The following FOXP1 variants were observed in gnomAD, a reference collection of about 807,000 sequenced individuals.
FOXP1 encodes forkhead box P1.
A neutral mutation model predicts 98.2 loss-of-function variants in FOXP1; 15 were observed. The observed-to-expected ratio is 0.15, with a 90% CI of 0.10 to 0.24. The LOEUF (loss-of-function observed/expected upper bound fraction) is 0.24, where lower values mean the gene tolerates loss of function less well. FOXP1 is among the 10% of genes least tolerant of loss of function. The probability of loss-of-function intolerance (pLI) is 1.00; values close to 1 mark genes in which losing one functional copy is unlikely to be tolerated. For synonymous variants in FOXP1, 371 were observed against 314.5 expected, an observed-to-expected ratio of 1.18 and a Z score of -1.90; for missense variants, 633 against 848.5, an observed-to-expected ratio of 0.75 and a Z score of 3.15.
intron 6 of FOXP1, among the ~76,000 whole-genome samples, chr3:71,195,735 C>T (rs936056392): frequency 6.6e-6 from 1 of 152,308 alleles, no homozygotes; most frequent in Admixed American, 6.5e-5. Flanking sequence ...TGTGTGACTA[C>T]CGCAGTAATG....
chr3:71,192,737 C>A (rs1056162321), intron 6 of FOXP1, among the ~76,000 whole-genome samples: 10 of 152,170 alleles, frequency 6.6e-5, no homozygotes, highest in African/African-American at 2.4e-4. Context: ...GCGGCCTCGA[C>A]CTCCCATGCT....
chr3:71,063,140 TCAGC>T (rs2051781406), intron 7 of FOXP1, among the ~76,000 whole-genome samples: 1 of 152,238 alleles, frequency 6.6e-6, no homozygotes, highest in Non-Finnish European at 1.5e-5. Context: ...CTACAGTAAG[TCAGC>T]CAGTGTCTCT....
chr3:71,455,571 G>A (rs974022517), intron 3 of FOXP1, among the ~76,000 whole-genome samples: 1 of 152,130 alleles, frequency 6.6e-6, no homozygotes, highest in Non-Finnish European at 1.5e-5. Flanking sequence ...TGGATGGGGT[G>A]GGATTTCAAA....
At chr3:71,322,667 C>T (rs897623914) in intron 4 of FOXP1, among the ~76,000 whole-genome samples, 2 of 151,970 alleles carry the variant, frequency 1.3e-5, no homozygotes, top group East Asian at 1.9e-4. Context: ...TCTTGGTGAC[C>T]GGCATGGAAT....
At chr3:70,972,475 A>G in intron 18 of FOXP1, 80 bp downstream of exon 18, 2 of 1,585,924 alleles carry the variant, frequency 1.3e-6, no homozygotes, top group Non-Finnish European at 1.7e-6. Context: ...GTCTAACACC[A>G]TCTAGCAGCC....
At chr3:71,359,404 T>G (rs2078394749) in intron 3 of FOXP1, among the ~76,000 whole-genome samples, 160 bp from the exon 4 acceptor site, 1 of 152,222 alleles carries the variant, frequency 6.6e-6, no homozygotes, top group Non-Finnish European at 1.5e-5. Flanking sequence ...CTTTGCCTTC[T>G]AGAATCAGCA....
At chr3:71,556,346 C>A (rs890055476) in intron 2 of FOXP1, among the ~76,000 whole-genome samples, 1 of 151,860 alleles carries the variant, frequency 6.6e-6, no homozygotes, top group East Asian at 1.9e-4. Flanking sequence ...GGGAGGCCGA[C>A]GTGAGCAGAT....
chr3:71,161,271 C>T lies in FOXP1; in HGVS notation c.180+36931G>A, dbSNP rs148685548. Among the ~76,000 whole-genome samples, 182 of 152,224 alleles carry T rather than the reference C, an allele frequency of 1.2e-3. 1 individual carries two copies. Among genetic ancestry groups the T allele is most frequent in the African/African-American group, 4.1e-3 (172 of 41,520 alleles). Reference sequence around the variant, plus strand: ...TGGGGATTGGCTGGGCTCAGCTAGGCGATTCTTTGGTTGGGGTAATTTATG... The same window carrying T: ...TGGGGATTGGCTGGGCTCAGCTAGGTGATTCTTTGGTTGGGGTAATTTATG... On this transcript the variant is annotated intron_variant, in intron 6 of 20. Coordinates refer to ENST00000649528, the MANE Select transcript of FOXP1 (RefSeq NM_001349338.3).
intron 7 of FOXP1, chr3:71,064,826 G>C: frequency 1.0e-6 from 1 of 984,172 alleles, no homozygotes; most frequent in South Asian, 4.7e-5. Context: ...GGACCAACCT[G>C]ACACTCTCCA....
chr3:71,244,064 T>C (rs565692024), intron 5 of FOXP1, among the ~76,000 whole-genome samples: 4 of 152,344 alleles, frequency 2.6e-5, no homozygotes, highest in Non-Finnish European at 4.4e-5. Context: ...AAATCTGTTA[T>C]TTAATTTTGA....
chr3:71,068,494 C>T (rs1234910976), intron 7 of FOXP1, among the ~76,000 whole-genome samples: 5 of 152,154 alleles, frequency 3.3e-5, no homozygotes, highest in Admixed American at 6.5e-5. Flanking sequence ...CCCACGTGGT[C>T]CTCAGTTCCA....
At chr3:71,387,793 T>A (rs2080707362) in intron 3 of FOXP1, among the ~76,000 whole-genome samples, 1 of 152,216 alleles carries the variant, frequency 6.6e-6, no homozygotes, top group Admixed American at 6.5e-5. Flanking sequence ...AAAGTCGTTG[T>A]TCAATCCAGC....
At chr3:71,231,479 A>G (rs2066281962) in intron 5 of FOXP1, among the ~76,000 whole-genome samples, 1 of 152,236 alleles carries the variant, frequency 6.6e-6, no homozygotes, top group Non-Finnish European at 1.5e-5. Context: ...TCAAGAGAGA[A>G]TTACTATAAT....
chr3:71,234,176 A>G (rs1207556265), intron 5 of FOXP1, among the ~76,000 whole-genome samples: 1 of 152,186 alleles, frequency 6.6e-6, no homozygotes, highest in African/African-American at 2.4e-5. Flanking sequence ...AAAAAATAAG[A>G]AAAGTTTAAA....
At chr3:71,194,408 A>G (rs2063180688) in intron 6 of FOXP1, among the ~76,000 whole-genome samples, 1 of 152,214 alleles carries the variant, frequency 6.6e-6, no homozygotes, top group African/African-American at 2.4e-5. Context: ...TTGACCTGAC[A>G]GCATATGCTG....
intron 2 of FOXP1, among the ~76,000 whole-genome samples, chr3:71,501,857 G>C (rs571619608): frequency 6.6e-6 from 1 of 152,172 alleles, no homozygotes; most frequent in African/African-American, 2.4e-5. Context: ...GAAAACCCTG[G>C]TATCCCTCAA....
chr3:71,345,871 TAAAAAAAAAAA>T (rs71120316), intron 4 of FOXP1, among the ~76,000 whole-genome samples: 5 of 55,098 alleles, frequency 9.1e-5, no homozygotes, highest in South Asian at 9.4e-4. Context: ...AAAGTTTTTG[TAAAAAAAAAAA>T]AAAAAAAAAA....
At chr3:71,030,708 T>G (rs1010815025) in intron 11 of FOXP1, among the ~76,000 whole-genome samples, 1 of 152,230 alleles carries the variant, frequency 6.6e-6, no homozygotes, top group Non-Finnish European at 1.5e-5. Context: ...TTGGACAACT[T>G]CCCATTTATC....
chr3:71,311,810 C>A (rs1183030105), intron 4 of FOXP1, among the ~76,000 whole-genome samples: 1 of 152,210 alleles, frequency 6.6e-6, no homozygotes, highest in Non-Finnish European at 1.5e-5. Context: ...TTGGCCACCA[C>A]CAAAGTGGGA....
Sources: allele counts gnomAD v4.1 joint callset (sites outside exome capture counted in the v4.1 genomes callset), GRCh38; gene constraint gnomAD v4.1.1; transcripts MANE v1.5; gene names NCBI Gene and HGNC (gene_info 2026-07-23, HGNC 2026-07-21).